DPYD: variants seen among roughly 807,000 people sequenced by gnomAD.
DPYD encodes dihydropyrimidine dehydrogenase [NADP(+)].
Under a neutral mutation model 116.2 loss-of-function variants are expected in DPYD, and 109 were observed. The observed-to-expected ratio is 0.94, with a 90% CI of 0.80 to 1.10. DPYD has a LOEUF of 1.10. DPYD is among the 50% of genes least tolerant of loss of function. DPYD has a pLI of 0.00. For synonymous variants in DPYD, 440 were observed against 432.0 expected (o/e 1.02, Z -0.23); for missense variants, 1,302 against 1,254.5 (o/e 1.04, Z -0.57).
intron 3 of DPYD, among the ~76,000 whole-genome samples, chr1:97,777,189 C>G (rs922603018): frequency 6.6e-6 from 1 of 152,172 alleles, no homozygotes; most frequent in South Asian, 2.1e-4. Flanking sequence ...CTTTTTCACC[C>G]AGATCATTTA....
chr1:97,506,797 TTAAA>T lies in DPYD; in HGVS notation c.1740+8925_1740+8928del, dbSNP rs528032725. Among the ~76,000 whole-genome samples the T allele has an allele frequency of 2.7e-3, 418 of 152,178 alleles. 1 individual carries two copies. Among genetic ancestry groups the T allele is most frequent in the African/African-American group, 9.4e-3 (390 of 41,560 alleles). On this transcript the variant is annotated intron_variant, in intron 13 of 22. Transcript: ENST00000370192. The stretch of plus-strand genomic sequence containing the variant: ...GTTAAAAATATTACTTTGGCTATAA[TTAAA>T]AGATTTTTACTTAATATTCGAAATA...
intron 16 of DPYD, among the ~76,000 whole-genome samples, chr1:97,338,738 C>T (rs1232581313): frequency 2.6e-5 from 4 of 152,158 alleles, no homozygotes; most frequent in African/African-American, 9.6e-5. Context: ...ATCACTAGCT[C>T]ACCAGACAAA....
intron 14 of DPYD, among the ~76,000 whole-genome samples, chr1:97,444,253 C>T (rs545945108): frequency 2.6e-5 from 4 of 152,276 alleles, no homozygotes; most frequent in South Asian, 4.1e-4. Flanking sequence ...CTTAATTTCT[C>T]AGGCTACTTA....
chr1:97,152,662 A>C (rs940930767), intron 20 of DPYD, among the ~76,000 whole-genome samples: 1 of 151,174 alleles, frequency 6.6e-6, no homozygotes, highest in Non-Finnish European at 1.5e-5. Flanking sequence ...GCACACATGT[A>C]GATATTGCTG....
At chr1:97,485,795 C>A (rs973931429) in intron 13 of DPYD, among the ~76,000 whole-genome samples, 1 of 152,164 alleles carries the variant, frequency 6.6e-6, no homozygotes, top group Admixed American at 6.5e-5. Context: ...CAGATATCTG[C>A]AGTTGGCTAA....
At chr1:97,147,473 A>G (rs1654711587) in intron 20 of DPYD, among the ~76,000 whole-genome samples, 1 of 152,224 alleles carries the variant, frequency 6.6e-6, no homozygotes, top group African/African-American at 2.4e-5. Context: ...AAGAAGTATC[A>G]CTGAATGCTC....
chr1:97,515,724 A>G lies in DPYD; in HGVS notation c.1740+2T>C. ...TATATGACTTCAATAATATTTTCTT[A>G]CCTTATCAAGAGAGAAAGTTTTGGT... On this transcript the variant is annotated splice_donor_variant, in intron 13 of 22. Transcript: ENST00000370192. LOFTEE classifies it high-confidence loss of function. The G allele has an allele frequency of 1.2e-6, 2 of 1,611,542 alleles. No homozygotes were observed. Among genetic ancestry groups the G allele is most frequent in the Non-Finnish European group, 1.7e-6 (2 of 1,178,178 alleles).
chr1:97,866,097 A>G (rs1671360637), intron 2 of DPYD, among the ~76,000 whole-genome samples: 1 of 151,984 alleles, frequency 6.6e-6, no homozygotes, highest in Non-Finnish European at 1.5e-5. Context: ...CAGACAGATA[A>G]CTTCCTTACT....
At chr1:97,482,976 TTG>T (rs1678407770) in intron 13 of DPYD, among the ~76,000 whole-genome samples, 1 of 152,212 alleles carries the variant, frequency 6.6e-6, no homozygotes, top group African/African-American at 2.4e-5. Context: ...ATCTCATTTC[TTG>T]TACCGCTCTC....
intron 3 of DPYD, among the ~76,000 whole-genome samples, chr1:97,825,041 CTTT>C (rs1237812207): frequency 6.6e-6 from 1 of 152,168 alleles, no homozygotes; most frequent in Non-Finnish European, 1.5e-5. Context: ...CACTAATCCT[CTTT>C]TTTTCTCTCT....
At chr1:97,711,909 C>T (rs976343100) in intron 5 of DPYD, among the ~76,000 whole-genome samples, 1 of 151,764 alleles carries the variant, frequency 6.6e-6, no homozygotes, top group Non-Finnish European at 1.5e-5. Flanking sequence ...TTTCTTTTAT[C>T]TTTCTTTCCA....
At chr1:97,560,194 C>T (rs1172485395) in intron 11 of DPYD, among the ~76,000 whole-genome samples, 1 of 152,066 alleles carries the variant, frequency 6.6e-6, no homozygotes, top group Non-Finnish European at 1.5e-5. Flanking sequence ...TAGAATCATC[C>T]ACTTATTTTT....
intron 3 of DPYD, among the ~76,000 whole-genome samples, chr1:97,809,746 G>C (rs950969080): frequency 2.0e-5 from 3 of 152,082 alleles, no homozygotes; most frequent in African/African-American, 7.2e-5. Context: ...GGTTAAGGTG[G>C]AGAACCAAAA....
rs942469105 is a variant in DPYD at position 97,726,722 on chromosome 1, G to GA, written c.322-5052dup. ...AGGATACTTGGGGTAAGGAAGCACAGAAAAAAAAAACATAATCCAATTAAA... is the reference window on the plus strand; with the variant it reads ...AGGATACTTGGGGTAAGGAAGCACAGAAAAAAAAAAACATAATCCAATTAAA... On this transcript the variant is annotated intron_variant, in intron 4 of 22. Transcript: ENST00000370192. Among the ~76,000 whole-genome samples, 267 of 144,322 alleles carry GA rather than the reference G, an allele frequency of 1.9e-3. 1 individual carries two copies. The highest frequency in any genetic ancestry group is 2.9e-3 in the Non-Finnish European group (189 of 65,222). 94.7% of individuals were successfully genotyped at this position (144,322 alleles called of 152,430 possible). A position where few individuals can be genotyped will look rare whatever the true frequency, so the allele number is the denominator to read the frequency against.
chr1:97,116,209 T>C lies in DPYD; in HGVS notation c.2623-17577A>G, dbSNP rs78542707. ...AAGTTAAACATTTAACTTAAACCAA[T>C]GTTTGCTGAGCACCTACAATTTTTT... On this transcript the variant is annotated intron_variant, in intron 20 of 22. Coordinates refer to ENST00000370192, the MANE Select transcript of DPYD (RefSeq NM_000110.4). 6.5e-3 allele frequency among the ~76,000 whole-genome samples: 996 copies of C among 152,260 alleles called. 10 individuals are homozygous for C. The highest frequency in any genetic ancestry group is 0.023 in the African/African-American group (951 of 41,558).
chr1:97,475,777 T>C (rs974501332), intron 13 of DPYD, among the ~76,000 whole-genome samples: 1 of 152,172 alleles, frequency 6.6e-6, no homozygotes, highest in African/African-American at 2.4e-5. Context: ...TGCTGACCCC[T>C]GCTCTAGCCT....
At chr1:97,834,907 A>AT (rs894343091) in intron 2 of DPYD, among the ~76,000 whole-genome samples, 57 of 152,146 alleles carry the variant, frequency 3.7e-4, no homozygotes, top group Admixed American at 1.8e-3. Flanking sequence ...CTATATTCAT[A>AT]TTTTTTTAAT....
intron 16 of DPYD, among the ~76,000 whole-genome samples, chr1:97,336,874 C>A (rs1669312599): frequency 6.6e-6 from 1 of 152,040 alleles, no homozygotes; most frequent in Non-Finnish European, 1.5e-5. Flanking sequence ...CTGAAGTGGT[C>A]ACAGAGATGG....
intron 14 of DPYD, among the ~76,000 whole-genome samples, chr1:97,448,868 A>G (rs1010208732): frequency 6.6e-6 from 1 of 152,022 alleles, no homozygotes; most frequent in African/African-American, 2.4e-5. Flanking sequence ...TATTTGTCCT[A>G]TGTGCATGTA....
Sources: gnomAD v4.1 joint callset for allele counts (sites outside exome capture counted in the v4.1 genomes callset) on GRCh38, gnomAD v4.1.1 for gene constraint, MANE v1.5 for transcripts, NCBI Gene and HGNC (gene_info 2026-07-23, HGNC 2026-07-21) for gene names.